Variants in RIMKLB observed in about 807,000 individuals in gnomAD.
The protein encoded by RIMKLB is ribosomal modification protein rimK like family member B, also known as beta-citrylglutamate synthase B.
Under a neutral mutation model 32.0 loss-of-function variants are expected in RIMKLB, and 7 were observed. The ratio of observed to expected loss-of-function variants is 0.22; its 90% CI spans 0.12 to 0.41. RIMKLB has a LOEUF of 0.41. RIMKLB is among the 10% of genes least tolerant of loss of function. RIMKLB has a pLI of 1.00. For synonymous variants in RIMKLB, 172 were observed against 185.1 expected (o/e 0.93, Z 0.57); for missense variants, 289 against 498.7 (o/e 0.58, Z 4.00).
At chr12:8,716,557 ATT>A (rs773708083) in intron 2 of RIMKLB, among the ~76,000 whole-genome samples, 118 of 95,842 alleles carry the variant, frequency 1.2e-3, no homozygotes, top group African/African-American at 3.5e-3. Context: ...TCATGGCTTC[ATT>A]TTTTTTTTTT....
At chr12:8,757,470 CAAAAAA>C (rs55670138) in intron 5 of RIMKLB, among the ~76,000 whole-genome samples, 1 of 71,418 alleles carries the variant, frequency 1.4e-5, no homozygotes, top group Non-Finnish European at 3.0e-5. Flanking sequence ...GACCCTGTCT[CAAAAAA>C]AAAAAAAAAA....
In RIMKLB at chr12:8,716,168, A is replaced by C. The variant is rs115671528; in HGVS notation, c.175+2127A>C. 3.1e-3 allele frequency among the ~76,000 whole-genome samples: 473 copies of C among 152,322 alleles called. 6 individuals are homozygous for C. The highest frequency in any genetic ancestry group is 0.011 in the African/African-American group (452 of 41,572). ...CTAGTGGCTACTAAGTAATAACACAAAATTTGGGAGGTAGAAATGGGCATC... is the reference window on the plus strand; with the variant it reads ...CTAGTGGCTACTAAGTAATAACACACAATTTGGGAGGTAGAAATGGGCATC... On this transcript the variant is annotated intron_variant, in intron 2 of 5. Transcript: ENST00000535829.
intron 1 of RIMKLB, among the ~76,000 whole-genome samples, chr12:8,707,962 A>G (rs947560146): frequency 4.1e-4 from 62 of 152,194 alleles, no homozygotes; most frequent in African/African-American, 1.4e-3. Flanking sequence ...TTCCCGAAGC[A>G]AGCCTGTATT....
chr12:8,686,514 C>G (rs112553478), intron 1 of RIMKLB, among the ~76,000 whole-genome samples: 4 of 150,618 alleles, frequency 2.7e-5, no homozygotes, highest in African/African-American at 7.3e-5. Flanking sequence ...GAGTCTCGCT[C>G]TGTTGCCCAG....
chr12:8,698,303 C>T lies in RIMKLB; in HGVS notation c.-57+6C>T, dbSNP rs749417405. 2.7e-5 allele frequency: 9 copies of T among 332,800 alleles called. No individual in the cohort carries two copies. Among genetic ancestry groups the T allele is most frequent in the South Asian group, 1.6e-4 (8 of 49,482 alleles). 20.6% of individuals were successfully genotyped at this position (332,800 alleles called of 1,614,324 possible). Reference sequence around the variant, plus strand: ...GGAGGAGCCCCCCGACCCAGGTGAGCGGTACGACCGCTGTTGCCCTCGGGT... The same window carrying T: ...GGAGGAGCCCCCCGACCCAGGTGAGTGGTACGACCGCTGTTGCCCTCGGGT... On this transcript the variant is annotated splice_donor_region_variant and intron_variant, in intron 1 of 5. Transcript: ENST00000535829.
At chr12:8,743,572 C>CA (rs942861791) in intron 2 of RIMKLB, among the ~76,000 whole-genome samples, 7 of 151,356 alleles carry the variant, frequency 4.6e-5, no homozygotes, top group African/African-American at 1.7e-4. Flanking sequence ...ACTCTGCTTT[C>CA]AAAAAAACAG....
intron 1 of RIMKLB, among the ~76,000 whole-genome samples, chr12:8,698,853 C>T (rs1313639478): frequency 2.0e-5 from 3 of 152,132 alleles, no homozygotes; most frequent in Non-Finnish European, 4.4e-5. Context: ...TTTCCTTTGA[C>T]AGTCTCTGAA....
chr12:8,692,671 G>A (rs1408018623), upstream of RIMKLB, among the ~76,000 whole-genome samples: 1 of 152,186 alleles, frequency 6.6e-6, no homozygotes, highest in African/African-American at 2.4e-5. Flanking sequence ...TCTGGCATCT[G>A]CATTTTCTTA....
At chr12:8,706,491 C>T (rs1477974270) in intron 1 of RIMKLB, among the ~76,000 whole-genome samples, 1 of 149,462 alleles carries the variant, frequency 6.7e-6, no homozygotes, top group Non-Finnish European at 1.5e-5. Context: ...GCTCTTGTCA[C>T]CCAGGCTGGA....
chr12:8,744,167 G>A (rs1008969128), intron 2 of RIMKLB, among the ~76,000 whole-genome samples: 2 of 151,964 alleles, frequency 1.3e-5, no homozygotes, highest in Admixed American at 1.3e-4. Flanking sequence ...GAGATCAGTA[G>A]CTCATAAGGC....
At chr12:8,781,588 CTGTCTT>C (rs1189167001), downstream of RIMKLB, among the ~76,000 whole-genome samples, 1 of 152,158 alleles carries the variant, frequency 6.6e-6, no homozygotes, top group Non-Finnish European at 1.5e-5. Flanking sequence ...CTATCTCTCC[CTGTCTT>C]TGTGCCTCTC....
chr12:8,699,064 T>G (rs1943148222), intron 1 of RIMKLB, among the ~76,000 whole-genome samples: 1 of 152,208 alleles, frequency 6.6e-6, no homozygotes, highest in South Asian at 2.1e-4. Flanking sequence ...ATCCCATTTG[T>G]ATTGGCGAAT....
rs578208345 is a variant in RIMKLB, at chr12:8,731,294, C to T, written c.175+17253C>T. ...TGTATTTGTAGTAGAGACAGGGTTTCGCCACGTTGGCCAGGCTGGTCTCAA... is the reference window on the plus strand; with the variant it reads ...TGTATTTGTAGTAGAGACAGGGTTTTGCCACGTTGGCCAGGCTGGTCTCAA... On this transcript the variant is annotated intron_variant, in intron 2 of 5. Coordinates refer to ENST00000535829, the MANE Select transcript of RIMKLB (RefSeq NM_001297776.2). Among the ~76,000 whole-genome samples the T allele has an allele frequency of 4.8e-5, 7 of 145,782 alleles. No individual in the cohort carries two copies. In the South Asian group the frequency reaches 1.1e-3, roughly 23 times the overall value.
upstream of RIMKLB, among the ~76,000 whole-genome samples, chr12:8,694,566 G>C (rs1321470588): frequency 6.6e-6 from 1 of 151,706 alleles, no homozygotes; most frequent in African/African-American, 2.4e-5. Flanking sequence ...GCTAATTTTT[G>C]TATTTTTAGT....
intron 1 of RIMKLB, among the ~76,000 whole-genome samples, chr12:8,691,994 CAA>C (rs780862737): frequency 2.4e-4 from 36 of 147,170 alleles, no homozygotes; most frequent in Non-Finnish European, 4.1e-4. Context: ...TTCCCTGCAC[CAA>C]GAGAGGGTTT....
chr12:8,697,667 C>A (rs1033935569), upstream of RIMKLB: 16 of 280,268 alleles, frequency 5.7e-5, no homozygotes, highest in Admixed American at 5.2e-4. Flanking sequence ...GTCCTCGGAG[C>A]GCCCTCGCGC....
intron 1 of RIMKLB, among the ~76,000 whole-genome samples, chr12:8,711,645 A>G (rs762636068): frequency 6.6e-6 from 1 of 152,120 alleles, no homozygotes; most frequent in African/African-American, 2.4e-5. Flanking sequence ...CATTAGGTAT[A>G]TCTCCCAATG....
chr12:8,741,289 ATTC>A (rs2137503874), intron 2 of RIMKLB, among the ~76,000 whole-genome samples: 1 of 151,228 alleles, frequency 6.6e-6, no homozygotes, highest in East Asian at 1.9e-4. Context: ...GAGGCAGGAG[ATTC>A]ACTTGAGCCT....
intron 1 of RIMKLB, among the ~76,000 whole-genome samples, chr12:8,685,042 T>C (rs1942530346): frequency 6.6e-6 from 1 of 152,252 alleles, no homozygotes; most frequent in Non-Finnish European, 1.5e-5. Context: ...AGGAGCTTTT[T>C]TGTAAATTCT....
Sources: gnomAD v4.1 joint callset for allele counts (sites outside exome capture counted in the v4.1 genomes callset) on GRCh38, gnomAD v4.1.1 for gene constraint, MANE v1.5 for transcripts, NCBI Gene and HGNC (gene_info 2026-07-23, HGNC 2026-07-21) for gene names.